The following RBP5 variants were observed in gnomAD, a reference collection of about 807,000 sequenced individuals.
RBP5 encodes the protein retinol-binding protein 5.
A neutral mutation model predicts 17.8 loss-of-function variants in RBP5; 12 were observed. The ratio of observed to expected loss-of-function variants is 0.67; its 90% CI spans 0.43 to 1.09. RBP5 has a LOEUF of 1.09. Ranked by LOEUF, RBP5 falls within the 50% of genes least tolerant of loss-of-function variation. The probability of loss-of-function intolerance (pLI) is 0.00; values close to 1 mark genes in which losing one functional copy is unlikely to be tolerated. For synonymous variants in RBP5, 64 were observed against 68.1 expected, an observed-to-expected ratio of 0.94 and a Z score of 0.30; for missense variants, 172 against 169.4, an observed-to-expected ratio of 1.02 and a Z score of -0.09.
At chr12:7,129,802 CAGG>C (rs1220757910), upstream of RBP5, 1 of 985,596 alleles carries the variant, frequency 1.0e-6, no homozygotes, top group African/African-American at 1.7e-5. The surrounding 1 kb of genome is among the most constrained non-coding windows in gnomAD (Gnocchi z 5.5). Context: ...GACAGGTAGG[CAGG>C]AGGAGGCGGC....
intron 2 of RBP5, chr12:7,127,514 A>G (rs955184490): frequency 6.5e-6 from 4 of 614,580 alleles, no homozygotes; most frequent in Non-Finnish European, 1.2e-5. Context: ...GCTATACTGT[A>G]TTGTTTTTTA....
chr12:7,128,121 T>C lies in RBP5; in HGVS notation c.252+119A>G, dbSNP rs919390156. On this transcript the variant is annotated intron_variant, in intron 2 of 3. Coordinates refer to ENST00000266560, the MANE Select transcript of RBP5 (RefSeq NM_031491.4). This position sits in a 1 kb window ranked among gnomAD's most constrained non-coding sequence, Gnocchi z 5.3. ...CTGGGGACTGCATTCCCTGCTGTGG[T>C]GACCATTCCCCTCCTCCCCGCTGCT... 13 of 851,710 alleles carry C rather than the reference T, an allele frequency of 1.5e-5. No homozygotes were observed. Among genetic ancestry groups the C allele is most frequent in the Non-Finnish European group, 2.3e-5 (13 of 557,864 alleles). The allele number at this position is 851,710 out of a possible 1,614,324, so 52.8% of individuals were successfully genotyped here.
Sources: allele counts gnomAD v4.1 joint callset, GRCh38; gene constraint gnomAD v4.1.1; non-coding constraint Gnocchi (gnomAD v3.1); transcripts MANE v1.5; gene names NCBI Gene and HGNC (gene_info 2026-07-23, HGNC 2026-07-21).